TTI1: variants seen among roughly 807,000 people sequenced by gnomAD.
TTI1 encodes TELO2 interacting protein 1, also known as TELO2-interacting protein 1 homolog.
TTI1 carries 52 observed loss-of-function variants against 85.4 expected under a neutral mutation model. That is an observed-to-expected ratio of 0.61 (90% CI 0.49 to 0.77). The LOEUF is 0.77. Ranked by LOEUF, TTI1 falls within the 30% of genes least tolerant of loss-of-function variation. The pLI is 0.00. For synonymous variants in TTI1, 512 were observed against 503.9 expected (o/e 1.02, Z -0.22); for missense variants, 1,173 against 1,296.0 (o/e 0.91, Z 1.46).
chr20:38,020,668 C>T (rs2073757983), intron 1 of TTI1, among the ~76,000 whole-genome samples: 1 of 151,724 alleles, frequency 6.6e-6, no homozygotes, highest in South Asian at 2.1e-4. Context: ...GGAAAGACAA[C>T]CTAACAGAAA....
intron 7 of TTI1, among the ~76,000 whole-genome samples, chr20:37,986,356 G>C (rs771214375): frequency 2.6e-5 from 4 of 152,222 alleles, no homozygotes; most frequent in East Asian, 1.9e-4. Context: ...TATGAATGTC[G>C]TATTTGTTGG....
chr20:38,006,066 T>C (rs1231221733), intron 3 of TTI1, 131 bp downstream of exon 3: 2 of 998,324 alleles, frequency 2.0e-6, no homozygotes, highest in Admixed American at 2.3e-5. Context: ...AACAGGAGAA[T>C]AGCTATGTTA....
intron 1 of TTI1, among the ~76,000 whole-genome samples, chr20:38,030,528 A>AACACACACACACACACACACACACACAC (rs3038751): frequency 1.4e-5 from 2 of 144,840 alleles, no homozygotes; most frequent in South Asian, 2.2e-4. Context: ...CAGTATGTAA[A>AACACACACACACACACACACACACACAC]ACACACACAC....
chr20:37,997,559 TG>T (rs2073360804), intron 5 of TTI1, among the ~76,000 whole-genome samples: 1 of 151,910 alleles, frequency 6.6e-6, no homozygotes, highest in Non-Finnish European at 1.5e-5. Context: ...TTGCATGTCT[TG>T]TTTTAAACTT....
chr20:38,024,416 C>T (rs1268056057), intron 1 of TTI1, among the ~76,000 whole-genome samples: 1 of 151,984 alleles, frequency 6.6e-6, no homozygotes, highest in East Asian at 1.9e-4. Context: ...AAGAAGAAAG[C>T]AGACTGGTTA....
chr20:38,007,165 G>A (rs1435612458), intron 2 of TTI1, among the ~76,000 whole-genome samples: 2 of 152,178 alleles, frequency 1.3e-5, no homozygotes, highest in South Asian at 2.1e-4. Context: ...TGGCAAACAC[G>A]TCCAAGTGAC....
intron 1 of TTI1, among the ~76,000 whole-genome samples, chr20:38,016,947 C>G (rs1043350972): frequency 1.3e-5 from 2 of 152,190 alleles, no homozygotes; most frequent in African/African-American, 4.8e-5. Context: ...GTCTTGCCAA[C>G]CTCATTTTTC....
At chr20:37,989,527 G>A (rs142181375) in intron 7 of TTI1, among the ~76,000 whole-genome samples, 2 of 152,232 alleles carry the variant, frequency 1.3e-5, no homozygotes, top group Non-Finnish European at 2.9e-5. Flanking sequence ...CCACTGGGGC[G>A]AGATTTAAAA....
chr20:38,005,373 C>CCAG (rs1427749877), intron 3 of TTI1, among the ~76,000 whole-genome samples: 4 of 152,136 alleles, frequency 2.6e-5, no homozygotes, highest in Admixed American at 6.5e-5. Context: ...AAACAACAGG[C>CCAG]CAGAGCTTCA....
intron 5 of TTI1, among the ~76,000 whole-genome samples, chr20:37,997,169 A>G (rs1482299456): frequency 6.6e-6 from 1 of 152,018 alleles, no homozygotes; most frequent in Non-Finnish European, 1.5e-5. Flanking sequence ...CCATAAATAC[A>G]GATTACATGG....
At chr20:38,028,587 T>C (rs553598474) in intron 1 of TTI1, among the ~76,000 whole-genome samples, 23 of 152,312 alleles carry the variant, frequency 1.5e-4, no homozygotes, top group African/African-American at 5.5e-4. Flanking sequence ...CTCTCAACAA[T>C]GGATAGGATA....
At chr20:38,011,178 T>C (rs1293214567) in intron 2 of TTI1, among the ~76,000 whole-genome samples, 1 of 152,246 alleles carries the variant, frequency 6.6e-6, no homozygotes, top group Non-Finnish European at 1.5e-5. Flanking sequence ...AAAACTGTCA[T>C]AAATCCTGAT....
intron 2 of TTI1, 48 bp from the exon 3 acceptor site, chr20:38,006,445 A>C: frequency 6.2e-7 from 1 of 1,600,926 alleles, no homozygotes; most frequent in Non-Finnish European, 8.5e-7. Context: ...AACAACAGGC[A>C]TGAGTACTTT....
At chr20:37,991,951 TA>T (rs1333148026) in intron 7 of TTI1, among the ~76,000 whole-genome samples, 1 of 152,218 alleles carries the variant, frequency 6.6e-6, no homozygotes, top group African/African-American at 2.4e-5. Context: ...GAAATGAAGC[TA>T]AATCATTTGC....
chr20:37,997,065 A>T (rs1457534570), intron 5 of TTI1, 112 bp from the exon 6 acceptor site: 1 of 1,151,068 alleles, frequency 8.7e-7, no homozygotes, highest in African/African-American at 1.6e-5. Flanking sequence ...GAAAAAAAAA[A>T]TAGAATTACT....
intron 3 of TTI1, 198 bp downstream of exon 3, chr20:38,005,999 G>T: frequency 1.6e-6 from 1 of 614,100 alleles, no homozygotes; most frequent in Non-Finnish European, 2.7e-6. Context: ...AGGGTACACA[G>T]CTGCAACCAC....
chr20:38,018,656 C>T lies in TTI1; in HGVS notation c.-41-4799G>A, dbSNP rs958678744. Among the ~76,000 whole-genome samples the T allele has an allele frequency of 2.6e-5, 4 of 151,640 alleles. No homozygotes were observed. In the South Asian group the frequency reaches 8.3e-4, roughly 31 times the overall value. On this transcript the variant is annotated intron_variant, in intron 1 of 7. Transcript: ENST00000373447. The stretch of plus-strand genomic sequence containing the variant: ...ACATCATAGTCAAACTGCTGAAAAA[C>T]AAAGAAAAAGAGGAAAACCTTAAAA...
chr20:38,020,321 A>T (rs866134920), intron 1 of TTI1, among the ~76,000 whole-genome samples: 623 of 42,442 alleles, frequency 0.015, 7 homozygotes, highest in African/African-American at 0.047. Flanking sequence ...AAAAAAAAAA[A>T]AAATATATAT....
chr20:38,023,074 G>C (rs2073790928), intron 1 of TTI1, among the ~76,000 whole-genome samples: 1 of 152,198 alleles, frequency 6.6e-6, no homozygotes, highest in Non-Finnish European at 1.5e-5. Flanking sequence ...TCTTGAATAG[G>C]AGGAAAGCAT....
Sources: gnomAD v4.1 joint callset for allele counts (sites outside exome capture counted in the v4.1 genomes callset) on GRCh38, gnomAD v4.1.1 for gene constraint, MANE v1.5 for transcripts, NCBI Gene and HGNC (gene_info 2026-07-23, HGNC 2026-07-21) for gene names.